Variants in ATP1A2 observed in about 807,000 individuals in gnomAD.
ATP1A2 encodes the protein ATPase Na+/K+ transporting subunit alpha 2.
Under a neutral mutation model 113.1 loss-of-function variants are expected in ATP1A2, and 56 were observed. That is an observed-to-expected ratio of 0.49 (90% CI 0.40 to 0.62). ATP1A2 has a LOEUF of 0.62. Ranked by LOEUF, ATP1A2 falls within the 20% of genes least tolerant of loss-of-function variation. The pLI is 0.00. For synonymous variants in ATP1A2, 490 were observed against 526.8 expected (o/e 0.93, Z 0.96); for missense variants, 712 against 1,357.8 (o/e 0.52, Z 7.47).
rs1408214943 is a variant in ATP1A2, at chr1:160,142,659, G to A, written c.*1337G>A. ...TCTCTACTAAAAGTACAAAAAATTA[G>A]CCAGTCATGGTGGCACACGCCTGTA... is the stretch of plus-strand genomic sequence containing the variant. On this transcript the variant is annotated 3_prime_UTR_variant, in exon 23 of 23. Transcript: ENST00000361216. 1 of 152,200 alleles carries A rather than the reference G, an allele frequency of 6.6e-6. No homozygotes were observed. Among genetic ancestry groups the A allele is most frequent in the Non-Finnish European group, 1.5e-5 (1 of 68,108 alleles). 9.4% of individuals were successfully genotyped at this position (152,200 alleles called of 1,614,324 possible).
At chr1:160,123,900 T>A (rs377652908) in intron 4 of ATP1A2, 43 bp from the exon 5 acceptor site, 4 of 1,580,604 alleles carry the variant, frequency 2.5e-6, no homozygotes, top group Non-Finnish European at 3.5e-6. Context: ...CCCTTTAGGG[T>A]TGGGGGGAAG....
chr1:160,125,992 C>A (rs1329067303), intron 7 of ATP1A2, among the ~76,000 whole-genome samples: 1 of 152,134 alleles, frequency 6.6e-6, no homozygotes, highest in Non-Finnish European at 1.5e-5. Context: ...CCTCACTAGA[C>A]CAGTGGCCTC....
intron 13 of ATP1A2, among the ~76,000 whole-genome samples, chr1:160,133,533 A>G (rs1466196687): frequency 1.3e-5 from 2 of 152,024 alleles, no homozygotes; most frequent in Non-Finnish European, 2.9e-5. Context: ...AGCAATGAAC[A>G]TTATGGTGAA....
At chr1:160,129,488 A>G in intron 11 of ATP1A2, 88 bp downstream of exon 11, 2 of 1,580,790 alleles carry the variant, frequency 1.3e-6, no homozygotes, top group East Asian at 4.5e-5. Context: ...CACTAGCAGG[A>G]GTGGGGGTGT....
At chr1:160,125,104 A>G in intron 6 of ATP1A2, 32 bp from the exon 7 acceptor site, 1 of 1,588,072 alleles carries the variant, frequency 6.3e-7, no homozygotes, top group Non-Finnish European at 8.6e-7. Context: ...TGGCTCTGCC[A>G]GTCTGATGAC....
At position 160,135,112 on chromosome 1, in the gene ATP1A2, G is replaced by A. The variant is rs754479411; in HGVS notation, c.1965-33G>A. 8 of 1,613,550 alleles carry A rather than the reference G, an allele frequency of 5.0e-6. No homozygotes were observed. The South Asian group carries it at 7.7e-5, about 16-fold the overall frequency. The stretch of plus-strand genomic sequence containing the variant: ...AGGAGGGGCTGGTACAGGTGCCAGG[G>A]GTCAGCTGTCTCTGTCCCCACCCAC... On this transcript the variant is annotated intron_variant, in intron 14 of 22. Transcript: ENST00000361216. The surrounding 1 kb of genome is among the most constrained non-coding windows in gnomAD (Gnocchi z 6.3).
rs765936799 is a variant in ATP1A2, at chr1:160,130,461, G to A, written c.1691G>A (p.Arg564Gln). ...QLNLPSGKFP[R>Q]GFKFDTDELN... Reference sequence around the variant, plus strand: ...AATCTGCCATCTGGAAAGTTTCCTCGGGGCTTCAAATTCGACACGGATGAG... The same window carrying A: ...AATCTGCCATCTGGAAAGTTTCCTCAGGGCTTCAAATTCGACACGGATGAG... Residue 564 changes from arginine (R) to glutamine (Q), a missense_variant, in exon 13 of 23, where the codon CGG becomes CAG. Physicochemically the swap from Arg to Gln is conservative, Grantham distance 43. This residue lies in a region of ATP1A2 where 263 missense variants were observed against 380.6 expected (regional missense o/e 0.69). Transcript: ENST00000361216. 50 of 1,614,182 alleles carry A rather than the reference G, an allele frequency of 3.1e-5. No homozygotes were observed. The highest frequency in any genetic ancestry group is 3.3e-4 in the Middle Eastern group (2 of 6,062).
At chr1:160,138,009 G>A (rs1456654737) in intron 20 of ATP1A2, among the ~76,000 whole-genome samples, 1 of 152,212 alleles carries the variant, frequency 6.6e-6, no homozygotes, top group Non-Finnish European at 1.5e-5. Context: ...CTAAGAAATT[G>A]GGTATAATTC....
At chr1:160,140,115 T>C in intron 22 of ATP1A2, 131 bp downstream of exon 22, 1 of 899,010 alleles carries the variant, frequency 1.1e-6, no homozygotes, top group Non-Finnish European at 1.8e-6. Flanking sequence ...GATCCTGGGG[T>C]CCCAGGTCCC....
At chr1:160,117,089 C>A (rs1425125799) in intron 1 of ATP1A2, among the ~76,000 whole-genome samples, 1 of 152,118 alleles carries the variant, frequency 6.6e-6, no homozygotes, top group African/African-American at 2.4e-5. Flanking sequence ...TTCAAGCCTG[C>A]ACAAGCATAA....
Position 160,127,879 on chromosome 1 carries a change from T to C in ATP1A2, c.1017+59T>C, listed in dbSNP as rs1383318703. The C allele has an allele frequency of 2.0e-6, 3 of 1,526,326 alleles. No homozygotes were observed. The African/African-American group carries it at 4.2e-5, about 21-fold the overall frequency. The allele number at this position is 1,526,326 out of a possible 1,614,324, so 94.5% of individuals were successfully genotyped here. A position where few individuals can be genotyped will look rare whatever the true frequency, so the allele number is the denominator to read the frequency against. On this transcript the variant is annotated intron_variant, in intron 8 of 22. Transcript: ENST00000361216. ...GGGTCTCACTACTCTTTCCTCAGAGTGATAGAGGCACAGTTGCTTGTAGCT... is the reference window on the plus strand; with the variant it reads ...GGGTCTCACTACTCTTTCCTCAGAGCGATAGAGGCACAGTTGCTTGTAGCT...
At chr1:160,117,626 G>A (rs1004401665) in intron 1 of ATP1A2, among the ~76,000 whole-genome samples, 1 of 152,144 alleles carries the variant, frequency 6.6e-6, no homozygotes, top group African/African-American at 2.4e-5. Flanking sequence ...GAAGAGGGAA[G>A]GCATCTGACA....
Position 160,129,097 on chromosome 1 carries a change from G to C in ATP1A2, c.1326+8G>C. ...AACATCTCCGTGTCTAAGGTAGGGGGTCAGGACACACACCAGGTATGTTTT... is the reference window on the plus strand; with the variant it reads ...AACATCTCCGTGTCTAAGGTAGGGGCTCAGGACACACACCAGGTATGTTTT... On this transcript the variant is annotated splice_region_variant and intron_variant, in intron 10 of 22. Transcript: ENST00000361216. 1 of 1,612,002 alleles carries C rather than the reference G, an allele frequency of 6.2e-7. No homozygotes were observed. The highest frequency in any genetic ancestry group is 1.3e-5 in the African/African-American group (1 of 74,380).
chr1:160,130,178 A>C lies in ATP1A2; in HGVS notation c.1538A>C (p.Asp513Ala). ...VMKGAPERIL[D>A]RCSTILVQGK... ...AAGGGGGCCCCAGAGCGCATTCTGG[A>C]CCGGTGCTCCACCATCCTGGTGCAG... The change falls in exon 12 of 23, where the codon GAC becomes GCC. Residue 513 changes from aspartate (D) to alanine (A), a missense_variant. By Grantham distance (126) the Asp-to-Ala change is moderately radical. Transcript: ENST00000361216. The C allele has an allele frequency of 6.2e-7, 1 of 1,614,178 alleles. No homozygotes were observed. Among genetic ancestry groups the C allele is most frequent in the Non-Finnish European group, 8.5e-7 (1 of 1,180,026 alleles).
intron 1 of ATP1A2, among the ~76,000 whole-genome samples, chr1:160,116,150 C>G (rs1050807691): frequency 6.6e-6 from 1 of 152,090 alleles, no homozygotes; most frequent in African/African-American, 2.4e-5. Context: ...CCCTCCACCC[C>G]ACTCCCACAT....
intron 13 of ATP1A2, among the ~76,000 whole-genome samples, chr1:160,131,633 C>A (rs1211455184): frequency 2.6e-5 from 4 of 151,966 alleles, no homozygotes; most frequent in Non-Finnish European, 5.9e-5. Flanking sequence ...CAAGACCAGC[C>A]TGGCCAACAT....
chr1:160,139,553 C>T, intron 20 of ATP1A2, 87 bp from the exon 21 acceptor site: 1 of 1,148,878 alleles, frequency 8.7e-7, no homozygotes, highest in Non-Finnish European at 1.3e-6. Flanking sequence ...AATTCTCTCT[C>T]CTCTTTCCCT....
At chr1:160,125,650 C>G in intron 7 of ATP1A2, 1 of 236,892 alleles carries the variant, frequency 4.2e-6, no homozygotes, top group South Asian at 6.0e-5. Flanking sequence ...GCCTCGCTGC[C>G]CCCTTCGATA....
At chr1:160,134,691 C>A in intron 14 of ATP1A2, 71 bp downstream of exon 14, 1 of 1,610,014 alleles carries the variant, frequency 6.2e-7, no homozygotes, top group East Asian at 2.2e-5. Flanking sequence ...TGGGTGTCCC[C>A]TGGGAGTATT....
Sources: allele counts gnomAD v4.1 joint callset (sites outside exome capture counted in the v4.1 genomes callset), GRCh38; gene constraint gnomAD v4.1.1; regional missense constraint gnomAD v4.1.1; non-coding constraint Gnocchi (gnomAD v3.1); transcripts MANE v1.5; gene names NCBI Gene and HGNC (gene_info 2026-07-23, HGNC 2026-07-21).